The following CIMIP2C variants were observed in gnomAD, a reference collection of about 807,000 sequenced individuals.
CIMIP2C encodes the protein ciliary microtubule inner protein 2C.
chr2:26,579,407 A>C, the CIMIP2C span: 1 of 1,613,902 alleles, frequency 6.2e-7, no homozygotes, highest in Non-Finnish European at 8.5e-7. Flanking sequence ...GAGCGGAAAA[A>C]GAGAGACTGC....
the CIMIP2C span, chr2:26,578,946 C>T: frequency 4.1e-6 from 2 of 484,564 alleles, no homozygotes; most frequent in Non-Finnish European, 8.4e-6. Flanking sequence ...TGTGTTTACT[C>T]CTTGTCCAGA....
At chr2:26,573,543 G>A in the CIMIP2C span, among the ~76,000 whole-genome samples, 6 of 149,548 alleles carry the variant, frequency 4.0e-5, no homozygotes, top group South Asian at 4.1e-4. Flanking sequence ...CGCCCAGGCC[G>A]GGAGGAAGAC....
chr2:26,563,924 T>C, the CIMIP2C span, among the ~76,000 whole-genome samples: 3 of 152,172 alleles, frequency 2.0e-5, no homozygotes, highest in East Asian at 5.8e-4. Flanking sequence ...GCTACCAGGG[T>C]TCCCATCAGA....
chr2:26,566,463 C>G, the CIMIP2C span, among the ~76,000 whole-genome samples: 300 of 152,342 alleles, frequency 2.0e-3, 3 homozygotes, highest in Admixed American at 5.6e-3. Flanking sequence ...ACAACCAGTT[C>G]TCTGGAGCAA....
At chr2:26,570,168 G>A in the CIMIP2C span, among the ~76,000 whole-genome samples, 1 of 152,224 alleles carries the variant, frequency 6.6e-6, no homozygotes, top group Admixed American at 6.5e-5. Context: ...AAATATCGTG[G>A]CATTCAGAGA....
At chr2:26,564,073 G>A in the CIMIP2C span, among the ~76,000 whole-genome samples, 1 of 152,210 alleles carries the variant, frequency 6.6e-6, no homozygotes, top group East Asian at 1.9e-4. Context: ...AGGCTGGGAA[G>A]ACAAAGACAA....
chr2:26,577,359 A>G, the CIMIP2C span, among the ~76,000 whole-genome samples: 1 of 152,280 alleles, frequency 6.6e-6, no homozygotes, highest in Admixed American at 6.5e-5. Flanking sequence ...GCTGGTTGGC[A>G]ATTGAGTTGG....
At chr2:26,572,400 G>T in the CIMIP2C span, among the ~76,000 whole-genome samples, 1 of 147,916 alleles carries the variant, frequency 6.8e-6, no homozygotes, top group East Asian at 2.0e-4. Flanking sequence ...GGATTTTGTC[G>T]CTGAACATGA....
the CIMIP2C span, chr2:26,577,692 G>A: frequency 2.0e-5 from 24 of 1,189,592 alleles, 1 homozygote; most frequent in Admixed American, 9.2e-5. Context: ...ACCTGCTCTC[G>A]GCCAGGCATG....
chr2:26,565,383 G>A, the CIMIP2C span, among the ~76,000 whole-genome samples: 6 of 152,136 alleles, frequency 3.9e-5, no homozygotes, highest in South Asian at 2.1e-4. Flanking sequence ...GAGCCACCAC[G>A]CCTGGCCTTT....
At chr2:26,577,833 G>A in the CIMIP2C span, 1 of 517,006 alleles carries the variant, frequency 1.9e-6, no homozygotes, top group East Asian at 3.5e-5. Context: ...CTGAATGGGC[G>A]AATCAGGAAG....
the CIMIP2C span, chr2:26,572,039 G>A: frequency 2.0e-6 from 3 of 1,472,428 alleles, no homozygotes; most frequent in South Asian, 2.7e-5. Context: ...CTATAGGAGA[G>A]AGAGAGAGGA....
At chr2:26,577,504 A>G in the CIMIP2C span, 3 of 1,609,438 alleles carry the variant, frequency 1.9e-6, no homozygotes, top group East Asian at 6.7e-5. Context: ...CTCTTCCTTG[A>G]TTGAACCATA....
At chr2:26,577,427 G>A in the CIMIP2C span, 2 of 1,268,478 alleles carry the variant, frequency 1.6e-6, no homozygotes, top group South Asian at 2.5e-5. Context: ...CCCCAACCCT[G>A]CCCAGGTGCA....
At chr2:26,572,780 G>C in the CIMIP2C span, among the ~76,000 whole-genome samples, 9 of 152,206 alleles carry the variant, frequency 5.9e-5, no homozygotes, top group Admixed American at 5.9e-4. Flanking sequence ...TTGGAGGGGC[G>C]GAGCAGGCTT....
chr2:26,573,972 C>T, the CIMIP2C span, among the ~76,000 whole-genome samples: 4 of 152,248 alleles, frequency 2.6e-5, no homozygotes, highest in African/African-American at 9.6e-5. Flanking sequence ...AGCAGTCACT[C>T]GGCTTCGCTT....
chr2:26,575,778 C>A, the CIMIP2C span: 2 of 1,234,128 alleles, frequency 1.6e-6, no homozygotes, highest in Non-Finnish European at 1.1e-6. Context: ...CCCTCCTCAG[C>A]TTTCCAACAT....
chr2:26,564,534 T>G, the CIMIP2C span, among the ~76,000 whole-genome samples: 1 of 152,234 alleles, frequency 6.6e-6, no homozygotes, highest in Non-Finnish European at 1.5e-5. Flanking sequence ...TGCTGCTTTC[T>G]CATCTAGATC....
the CIMIP2C span, among the ~76,000 whole-genome samples, chr2:26,572,545 G>A: frequency 2.0e-5 from 3 of 152,144 alleles, no homozygotes; most frequent in East Asian, 3.8e-4. Flanking sequence ...AATGCTGTGG[G>A]TATCTTCCTT....
Sources: allele counts gnomAD v4.1 joint callset (sites outside exome capture counted in the v4.1 genomes callset), GRCh38; gene constraint gnomAD v4.1.1; transcripts MANE v1.5; gene names NCBI Gene and HGNC (gene_info 2026-07-23, HGNC 2026-07-21).